The following C6orf163 variants were observed in gnomAD, a reference collection of about 807,000 sequenced individuals.
C6orf163 encodes the protein uncharacterized protein C6orf163.
In C6orf163, 22 loss-of-function variants were observed where a neutral mutation model predicts 28.4. The ratio of observed to expected loss-of-function variants is 0.78; its 90% CI spans 0.55 to 1.11. The LOEUF is 1.11. Among genes scored for constraint, C6orf163 ranks in the 50% least tolerant of loss-of-function variants. The pLI is 0.00. For synonymous variants in C6orf163, 110 were observed against 123.6 expected, an observed-to-expected ratio of 0.89 and a Z score of 0.73; for missense variants, 342 against 389.1, an observed-to-expected ratio of 0.88 and a Z score of 1.02.
intron 4 of C6orf163, chr6:87,357,760 C>G (rs1777527210): frequency 6.6e-6 from 1 of 152,246 alleles, no homozygotes; most frequent in Non-Finnish European, 1.5e-5. Context: ...CCTCCTCACA[C>G]ACACTTGCGG....
intron 4 of C6orf163, among the ~76,000 whole-genome samples, chr6:87,359,658 A>G (rs1016917754): frequency 6.6e-6 from 1 of 152,230 alleles, no homozygotes; most frequent in African/African-American, 2.4e-5. Context: ...TTTTTTCCCT[A>G]TTAGTTAAGA....
intron 3 of C6orf163, chr6:87,356,024 A>C (rs73488074): frequency 0.017 from 6,111 of 349,322 alleles, 343 homozygotes; most frequent in African/African-American, 0.11. Context: ...AAAGACCTTT[A>C]ACCCTACCCC....
At position 87,350,502 on chromosome 6, in the gene C6orf163, G is replaced by C. The variant is rs1424199351; in HGVS notation, c.351+1G>C. ...AGAGGAACATCAGAAAGATTTACAG[G>C]TTTTTATAGTGGCTTATTTGTTGTC... On this transcript the variant is annotated splice_donor_variant, in intron 3 of 4. Coordinates refer to ENST00000388923, the MANE Select transcript of C6orf163 (RefSeq NM_001010868.3). LOFTEE classifies it high-confidence loss of function. The C allele has an allele frequency of 3.4e-6, 5 of 1,461,566 alleles. No individual in the cohort carries two copies. The highest frequency in any genetic ancestry group is 4.6e-6 in the Non-Finnish European group (5 of 1,082,480). 90.5% of individuals were successfully genotyped at this position (1,461,566 alleles called of 1,614,324 possible). A position where few individuals can be genotyped will look rare whatever the true frequency, so the allele number is the denominator to read the frequency against.
intron 1 of C6orf163, 110 bp downstream of exon 1, chr6:87,345,357 C>CT (rs1303498420): frequency 9.3e-7 from 1 of 1,080,922 alleles, no homozygotes; most frequent in East Asian, 2.8e-5. Context: ...TTGCTTGTCC[C>CT]TACAGGGATA....
At chr6:87,354,043 G>A (rs1468157380) in intron 3 of C6orf163, among the ~76,000 whole-genome samples, 1 of 152,066 alleles carries the variant, frequency 6.6e-6, no homozygotes, top group Non-Finnish European at 1.5e-5. Context: ...TAGAGACAGG[G>A]TTTTGCCATG....
intron 1 of C6orf163, among the ~76,000 whole-genome samples, chr6:87,346,089 G>A (rs1443417069): frequency 6.6e-6 from 1 of 151,970 alleles, no homozygotes; most frequent in African/African-American, 2.4e-5. Flanking sequence ...TTGTACTATA[G>A]GTTTCCATCT....
intron 1 of C6orf163, chr6:87,348,541 G>A (rs1472370107): frequency 3.4e-6 from 4 of 1,169,658 alleles, no homozygotes. Context: ...CCTTTCTTCG[G>A]GCATTTATTT....
chr6:87,346,908 A>G (rs1344944521), intron 1 of C6orf163, among the ~76,000 whole-genome samples: 2 of 152,238 alleles, frequency 1.3e-5, no homozygotes, highest in Non-Finnish European at 2.9e-5. Flanking sequence ...TTCCATTGAT[A>G]TCTTACATAA....
At chr6:87,355,423 T>C (rs975048953) in intron 3 of C6orf163, among the ~76,000 whole-genome samples, 5 of 152,004 alleles carry the variant, frequency 3.3e-5, no homozygotes, top group Admixed American at 6.6e-5. Flanking sequence ...TAGCCAGGCA[T>C]GGTGGCAAGT....
intron 4 of C6orf163, among the ~76,000 whole-genome samples, chr6:87,359,708 G>T (rs1256003387): frequency 6.6e-6 from 1 of 152,182 alleles, no homozygotes; most frequent in Non-Finnish European, 1.5e-5. Flanking sequence ...TATTTAGTAA[G>T]TTGTTTTCAT....
rs1314265846 is a variant in C6orf163 at position 87,345,057 on chromosome 6, ATTATT to A, written c.-39_-35del. The A allele has an allele frequency of 2.1e-6, 3 of 1,451,698 alleles. No homozygotes were observed. In the African/African-American group the frequency reaches 4.3e-5, roughly 21 times the overall value. 89.9% of individuals were successfully genotyped at this position (1,451,698 alleles called of 1,614,324 possible). A position where few individuals can be genotyped will look rare whatever the true frequency, so the allele number is the denominator to read the frequency against. ...TGAAACGACTTTTTCTGATTCTAAGATTATTTTAACTGTAAGTAGGAGAAGACATC... is the reference window on the plus strand; with the variant it reads ...TGAAACGACTTTTTCTGATTCTAAGATTAACTGTAAGTAGGAGAAGACATC... On this transcript the variant is annotated 5_prime_UTR_variant, in exon 1 of 5. Coordinates refer to ENST00000388923, the MANE Select transcript of C6orf163 (RefSeq NM_001010868.3).
intron 1 of C6orf163, among the ~76,000 whole-genome samples, chr6:87,347,055 C>CT (rs1777335736): frequency 6.6e-6 from 1 of 152,136 alleles, no homozygotes; most frequent in Non-Finnish European, 1.5e-5. Context: ...TGTGCCATCA[C>CT]CACAATCACA....
intron 4 of C6orf163, chr6:87,356,810 G>A (rs1012979255): frequency 1.4e-5 from 4 of 278,720 alleles, no homozygotes; most frequent in East Asian, 1.5e-4. Flanking sequence ...TTGAAAGATA[G>A]CTACTCTCTA....
Position 87,344,935 on chromosome 6 carries a change from A to G in C6orf163, c.-165A>G. On this transcript the variant is annotated 5_prime_UTR_variant, in exon 1 of 5. Coordinates refer to ENST00000388923, the MANE Select transcript of C6orf163 (RefSeq NM_001010868.3). Reference sequence around the variant, plus strand: ...ATTCTTTAACGTTAGACACATAACCACAGCCTAATCACTTGAACCATTTAA... The same window carrying G: ...ATTCTTTAACGTTAGACACATAACCGCAGCCTAATCACTTGAACCATTTAA... The G allele has an allele frequency of 1.8e-6, 1 of 568,666 alleles. No homozygotes were observed. Among genetic ancestry groups the G allele is most frequent in the Non-Finnish European group, 3.0e-6 (1 of 329,718 alleles). 35.2% of individuals were successfully genotyped at this position (568,666 alleles called of 1,614,324 possible).
chr6:87,363,548 C>T (rs1278563741), intron 4 of C6orf163, among the ~76,000 whole-genome samples: 1 of 151,892 alleles, frequency 6.6e-6, no homozygotes. Flanking sequence ...TTCCTGTGTC[C>T]ATGTGTTCTC....
chr6:87,354,603 A>T (rs1198417703), intron 3 of C6orf163, among the ~76,000 whole-genome samples: 1 of 152,208 alleles, frequency 6.6e-6, no homozygotes, highest in South Asian at 2.1e-4. Context: ...AGTGTAGGAA[A>T]CCCAGCTAGC....
intron 1 of C6orf163, among the ~76,000 whole-genome samples, chr6:87,345,916 C>CAAAAAAAAAAAAAAAAAAAG (rs1777314975): frequency 2.2e-5 from 1 of 44,648 alleles, no homozygotes; most frequent in Non-Finnish European, 4.3e-5. Context: ...GACTCTGCCT[C>CAAAAAAAAAAAAAAAAAAAG]AAAAAAAAAA....
chr6:87,361,394 G>T (rs950426548), intron 4 of C6orf163, among the ~76,000 whole-genome samples: 1 of 152,174 alleles, frequency 6.6e-6, no homozygotes, highest in African/African-American at 2.4e-5. Context: ...CTGTCATTGA[G>T]GGTGGGAGCT....
chr6:87,348,294 G>A, intron 1 of C6orf163: 12 of 985,342 alleles, frequency 1.2e-5, no homozygotes, highest in Non-Finnish European at 1.3e-5. Context: ...AATCAAATTA[G>A]ATCATTGACA....
Sources: gnomAD v4.1 joint callset for allele counts (sites outside exome capture counted in the v4.1 genomes callset) on GRCh38, gnomAD v4.1.1 for gene constraint, MANE v1.5 for transcripts, NCBI Gene and HGNC (gene_info 2026-07-23, HGNC 2026-07-21) for gene names.